Variants in CRTAC1 observed in about 807,000 individuals in gnomAD.
The protein encoded by CRTAC1 is acidic secreted protein in cartilage.
In CRTAC1, 37 loss-of-function variants were observed where a neutral mutation model predicts 67.8. The ratio of observed to expected loss-of-function variants is 0.55; its 90% confidence interval spans 0.42 to 0.72. The LOEUF is 0.72. Among genes scored for constraint, CRTAC1 ranks in the 30% least tolerant of loss-of-function variants. The probability of loss-of-function intolerance (pLI) is 0.00; values close to 1 mark genes in which losing one functional copy is unlikely to be tolerated. For synonymous variants in CRTAC1, 348 were observed against 371.0 expected (o/e 0.94, Z 0.71); for missense variants, 780 against 931.6 (o/e 0.84, Z 2.12).
intron 3 of CRTAC1, among the ~76,000 whole-genome samples, chr10:97,924,378 T>C (rs1320777167): frequency 6.6e-6 from 1 of 152,014 alleles, no homozygotes; most frequent in Non-Finnish European, 1.5e-5. Context: ...GCTGAAGGAA[T>C]TGGGGAAGGT....
At chr10:98,025,049 T>C (rs1430705140) in intron 1 of CRTAC1, among the ~76,000 whole-genome samples, 1 of 152,168 alleles carries the variant, frequency 6.6e-6, no homozygotes, top group African/African-American at 2.4e-5. Flanking sequence ...CAGATCTGAA[T>C]TGCAGACCAG....
intron 13 of CRTAC1, among the ~76,000 whole-genome samples, chr10:97,881,672 T>C (rs1329295752): frequency 6.6e-6 from 1 of 152,184 alleles, no homozygotes; most frequent in Non-Finnish European, 1.5e-5. Flanking sequence ...CTCTGGAATT[T>C]CTATGCACCT....
intron 4 of CRTAC1, among the ~76,000 whole-genome samples, chr10:97,917,990 C>T (rs1254205575): frequency 6.6e-6 from 1 of 152,166 alleles, no homozygotes; most frequent in Non-Finnish European, 1.5e-5. Context: ...GAGCTCTCTC[C>T]AGCTGCCAGC....
intron 1 of CRTAC1, among the ~76,000 whole-genome samples, chr10:98,023,804 G>A (rs985263504): frequency 1.2e-4 from 18 of 152,182 alleles, no homozygotes; most frequent in African/African-American, 4.1e-4. Flanking sequence ...CTCCCATGTG[G>A]GAAGGGAGGG....
At chr10:98,000,943 A>G (rs1842675375) in intron 2 of CRTAC1, among the ~76,000 whole-genome samples, 1 of 152,226 alleles carries the variant, frequency 6.6e-6, no homozygotes, top group African/African-American at 2.4e-5. Context: ...TGCATACAAG[A>G]AACACACATA....
At chr10:98,026,902 G>A (rs1042694759) in intron 1 of CRTAC1, among the ~76,000 whole-genome samples, 17 of 152,268 alleles carry the variant, frequency 1.1e-4, no homozygotes, top group African/African-American at 3.4e-4. Flanking sequence ...AAAGGGGGCC[G>A]GGCGCGGTGG....
chr10:97,954,932 G>A (rs1048685077), intron 2 of CRTAC1, among the ~76,000 whole-genome samples: 2 of 152,124 alleles, frequency 1.3e-5, no homozygotes, highest in Non-Finnish European at 2.9e-5. Flanking sequence ...TGCCATACAA[G>A]GTACTGTTCA....
At chr10:97,901,202 T>C (rs1379913397) in intron 8 of CRTAC1, among the ~76,000 whole-genome samples, 1 of 152,212 alleles carries the variant, frequency 6.6e-6, no homozygotes, top group African/African-American at 2.4e-5. Context: ...TTTGTGGTAG[T>C]GTGGCTTTGT....
At chr10:97,915,218 G>A (rs1420262093) in intron 5 of CRTAC1, among the ~76,000 whole-genome samples, 2 of 152,214 alleles carry the variant, frequency 1.3e-5, no homozygotes, top group African/African-American at 4.8e-5. Context: ...CTTGCAGGCT[G>A]GTAGGGTTCT....
rs528921486 is a variant in CRTAC1, at chr10:98,030,152, G to A, written c.24+297C>T. On this transcript the variant is annotated intron_variant, in intron 1 of 14. Transcript: ENST00000370597. The surrounding 1 kb of genome is among the most constrained non-coding windows in gnomAD (Gnocchi z 4.2). ...TCCCCTGACAGCTGACCTCCAGTGC[G>A]CCCCCAACACTTTCTCTGCCAGCTG... Among the ~76,000 whole-genome samples, 49 of 151,306 alleles carry A rather than the reference G, an allele frequency of 3.2e-4. No homozygotes were observed. The highest frequency in any genetic ancestry group is 1.1e-3 in the African/African-American group (45 of 41,194).
intron 6 of CRTAC1, among the ~76,000 whole-genome samples, chr10:97,905,713 A>G (rs936071079): frequency 6.6e-6 from 1 of 152,358 alleles, no homozygotes; most frequent in African/African-American, 2.4e-5. Context: ...GTGCACAGAC[A>G]TAAATAACAT....
At chr10:98,021,373 C>T (rs1360421688) in intron 1 of CRTAC1, among the ~76,000 whole-genome samples, 1 of 152,086 alleles carries the variant, frequency 6.6e-6, no homozygotes, top group Non-Finnish European at 1.5e-5. Context: ...TGGGCTTGCT[C>T]CAGAAAAAGG....
intron 5 of CRTAC1, among the ~76,000 whole-genome samples, chr10:97,910,142 T>C (rs2050669496): frequency 6.6e-6 from 1 of 152,358 alleles, no homozygotes; most frequent in East Asian, 1.9e-4. Flanking sequence ...TACAACATGG[T>C]GACTTTAGTT....
intron 2 of CRTAC1, among the ~76,000 whole-genome samples, chr10:97,945,308 A>G (rs1383948611): frequency 6.6e-6 from 1 of 152,176 alleles, no homozygotes; most frequent in Non-Finnish European, 1.5e-5. Context: ...GGGATCCCAG[A>G]AACTCCTGTT....
At chr10:97,936,572 G>A (rs897376120) in intron 2 of CRTAC1, among the ~76,000 whole-genome samples, 3 of 152,206 alleles carry the variant, frequency 2.0e-5, no homozygotes, top group South Asian at 2.1e-4. Flanking sequence ...GCGCCCGGGC[G>A]CAGTGAGAGT....
chr10:97,998,110 A>G (rs1842620892), intron 2 of CRTAC1, among the ~76,000 whole-genome samples: 1 of 152,198 alleles, frequency 6.6e-6, no homozygotes, highest in Non-Finnish European at 1.5e-5. Context: ...AGCTGGGACT[A>G]CAGGTGCACA....
At chr10:97,989,707 C>G (rs1842399828) in intron 2 of CRTAC1, among the ~76,000 whole-genome samples, 1 of 152,220 alleles carries the variant, frequency 6.6e-6, no homozygotes, top group South Asian at 2.1e-4. Context: ...TACCATAGTG[C>G]TATGAAGTAG....
intron 8 of CRTAC1, among the ~76,000 whole-genome samples, chr10:97,900,675 C>T (rs561911284): frequency 1.5e-4 from 21 of 136,652 alleles, no homozygotes; most frequent in Non-Finnish European, 2.8e-4. Context: ...ACCCTGTAGC[C>T]CCTTTTCCTG....
chr10:97,911,091 C>T (rs1300855869), intron 5 of CRTAC1, among the ~76,000 whole-genome samples: 1 of 152,218 alleles, frequency 6.6e-6, no homozygotes, highest in Admixed American at 6.5e-5. Flanking sequence ...AGAGGTGCCA[C>T]TAAGTGGTTG....
Sources: gnomAD v4.1 joint callset for allele counts (sites outside exome capture counted in the v4.1 genomes callset) on GRCh38, gnomAD v4.1.1 for gene constraint, Gnocchi (gnomAD v3.1) non-coding constraint, MANE v1.5 for transcripts, NCBI Gene and HGNC (gene_info 2026-07-23, HGNC 2026-07-21) for gene names.